TMEM117: variants seen among roughly 807,000 people sequenced by gnomAD.
TMEM117 encodes the protein transmembrane protein 117.
TMEM117 carries 27 observed loss-of-function variants against 52.4 expected under a neutral mutation model. That is an observed-to-expected ratio of 0.51 (90% CI 0.38 to 0.71). TMEM117 has a LOEUF of 0.71. Among genes scored for constraint, TMEM117 ranks in the 30% least tolerant of loss-of-function variants. The pLI, the probability that TMEM117 is intolerant of heterozygous loss-of-function variation, is 0.00. For missense variants in TMEM117, 556 were observed against 630.5 expected (o/e 0.88, Z 1.26); for synonymous variants, 215 against 206.3 (o/e 1.04, Z -0.36).
At chr12:43,807,833 C>G in the TMEM117 span, among the ~76,000 whole-genome samples, 33,085 of 152,044 alleles carry the variant, frequency 0.22, 4,126 homozygotes, top group African/African-American at 0.33. Flanking sequence ...TTGCTCTGCT[C>G]TAGCCACAAA....
At chr12:44,168,672 T>C (rs1949003199) in intron 4 of TMEM117, among the ~76,000 whole-genome samples, 1 of 152,210 alleles carries the variant, frequency 6.6e-6, no homozygotes, top group Non-Finnish European at 1.5e-5. Flanking sequence ...ATTAGAACTT[T>C]TGAGCTAAAA....
chr12:44,242,329 CTTCT>C (rs1228108336), intron 5 of TMEM117, among the ~76,000 whole-genome samples: 1 of 151,680 alleles, frequency 6.6e-6, no homozygotes, highest in African/African-American at 2.4e-5. Context: ...GTCTTGTTCC[CTTCT>C]TTGTGTTCAT....
intron 2 of TMEM117, among the ~76,000 whole-genome samples, chr12:43,907,680 C>T (rs1040141687): frequency 2.0e-5 from 3 of 151,298 alleles, no homozygotes; most frequent in African/African-American, 7.3e-5. Flanking sequence ...AACCAAGGCT[C>T]GAGAACTACA....
chr12:44,162,893 C>G (rs1276282720), intron 4 of TMEM117, among the ~76,000 whole-genome samples: 2 of 152,104 alleles, frequency 1.3e-5, no homozygotes, highest in Non-Finnish European at 2.9e-5. Flanking sequence ...GATTTTTGCT[C>G]CCTAGGAAAA....
At chr12:43,959,507 G>C (rs1457411694) in intron 3 of TMEM117, among the ~76,000 whole-genome samples, 2 of 152,160 alleles carry the variant, frequency 1.3e-5, no homozygotes, top group Non-Finnish European at 2.9e-5. Context: ...AACACCTTCA[G>C]TAATGCTTTC....
chr12:44,110,354 G>A (rs1215498293), intron 3 of TMEM117, among the ~76,000 whole-genome samples: 28 of 117,198 alleles, frequency 2.4e-4, no homozygotes, highest in East Asian at 1.9e-3. Context: ...GTCATAGATA[G>A]CTCTTATTAT....
At chr12:44,191,092 C>T (rs1025843389) in intron 4 of TMEM117, among the ~76,000 whole-genome samples, 2 of 151,838 alleles carry the variant, frequency 1.3e-5, no homozygotes, top group Non-Finnish European at 2.9e-5. Context: ...AACTTACAAT[C>T]ATGGTGGAAG....
intron 5 of TMEM117, among the ~76,000 whole-genome samples, chr12:44,267,935 A>G (rs1213133528): frequency 6.6e-6 from 1 of 152,194 alleles, no homozygotes; most frequent in Admixed American, 6.5e-5. Context: ...TGTCTCAGCT[A>G]CTGTGAACAA....
intron 3 of TMEM117, among the ~76,000 whole-genome samples, chr12:43,949,937 T>C (rs1945193164): frequency 6.6e-6 from 1 of 152,204 alleles, no homozygotes; most frequent in Non-Finnish European, 1.5e-5. Flanking sequence ...CTTCTCCCAG[T>C]TTCAGGTTCT....
chr12:44,338,562 T>C (rs915557858), intron 6 of TMEM117, among the ~76,000 whole-genome samples: 3 of 151,866 alleles, frequency 2.0e-5, no homozygotes, highest in Non-Finnish European at 4.4e-5. Context: ...CGTGTCCATA[T>C]AAATGTGCTA....
At chr12:44,398,721 A>T in the TMEM117 span, among the ~76,000 whole-genome samples, 1 of 152,252 alleles carries the variant, frequency 6.6e-6, no homozygotes, top group Non-Finnish European at 1.5e-5. Context: ...ACAAAGCCGA[A>T]TCCACAGACC....
chr12:44,397,560 G>T, the TMEM117 span, among the ~76,000 whole-genome samples: 2 of 152,178 alleles, frequency 1.3e-5, no homozygotes, highest in South Asian at 4.1e-4. Flanking sequence ...CGGACGAACT[G>T]TGATTATAGC....
chr12:44,258,542 A>C (rs536661828), intron 5 of TMEM117, among the ~76,000 whole-genome samples: 1 of 152,346 alleles, frequency 6.6e-6, no homozygotes, highest in Admixed American at 6.5e-5. Flanking sequence ...CTGTTATTTA[A>C]ATTCTTAACA....
intron 3 of TMEM117, among the ~76,000 whole-genome samples, chr12:44,022,736 G>T (rs1461716355): frequency 6.6e-6 from 1 of 152,174 alleles, no homozygotes; most frequent in African/African-American, 2.4e-5. Flanking sequence ...AGCAATAAAA[G>T]TTTCCCCAAA....
intron 2 of TMEM117, among the ~76,000 whole-genome samples, chr12:43,915,316 CAG>C (rs1369900134): frequency 6.6e-6 from 1 of 152,154 alleles, no homozygotes; most frequent in Admixed American, 6.6e-5. Flanking sequence ...TGGCTGGAAA[CAG>C]AGGGGCAGAC....
chr12:44,272,432 A>G (rs536389464), intron 5 of TMEM117, among the ~76,000 whole-genome samples: 1 of 152,336 alleles, frequency 6.6e-6, no homozygotes, highest in South Asian at 2.1e-4. Flanking sequence ...CAGAGTGAAC[A>G]GCCCACCTAC....
intron 5 of TMEM117, among the ~76,000 whole-genome samples, chr12:44,243,612 C>T (rs575361640): frequency 1.3e-5 from 2 of 151,564 alleles, no homozygotes; most frequent in South Asian, 4.2e-4. Flanking sequence ...TTATTTCACA[C>T]ACTTATTTCT....
At chr12:44,063,975 C>T (rs1947182567) in intron 3 of TMEM117, among the ~76,000 whole-genome samples, 1 of 151,956 alleles carries the variant, frequency 6.6e-6, no homozygotes, top group Non-Finnish European at 1.5e-5. Flanking sequence ...GAGCAAAAAC[C>T]TCTTCCAGTA....
At chr12:44,316,780 T>A (rs1344218337) in intron 6 of TMEM117, among the ~76,000 whole-genome samples, 1 of 152,074 alleles carries the variant, frequency 6.6e-6, no homozygotes, top group East Asian at 1.9e-4. Flanking sequence ...TCATTAAAAT[T>A]TTTTTTCTTT....
Sources: gnomAD v4.1 joint callset for allele counts (sites outside exome capture counted in the v4.1 genomes callset) on GRCh38, gnomAD v4.1.1 for gene constraint, MANE v1.5 for transcripts, NCBI Gene and HGNC (gene_info 2026-07-23, HGNC 2026-07-21) for gene names.